MAP4K4: variants seen among roughly 807,000 people sequenced by gnomAD.
The protein encoded by MAP4K4 is HPK/GCK-like kinase HGK.
In MAP4K4, 38 loss-of-function variants were observed where a neutral mutation model predicts 189.6. The observed-to-expected ratio is 0.20, with a 90% CI of 0.15 to 0.26. The LOEUF (loss-of-function observed/expected upper bound fraction) is 0.26, where lower values mean the gene tolerates loss of function less well. Among genes scored for constraint, MAP4K4 ranks in the 10% least tolerant of loss-of-function variants. The probability of loss-of-function intolerance (pLI) is 1.00; values close to 1 mark genes in which losing one functional copy is unlikely to be tolerated. For missense variants in MAP4K4, 1,054 were observed against 1,726.9 expected (o/e 0.61, Z 6.91); for synonymous variants, 610 against 624.3 (o/e 0.98, Z 0.34).
chr2:101,719,581 A>G (rs755573822), intron 2 of MAP4K4, among the ~76,000 whole-genome samples: 1 of 152,212 alleles, frequency 6.6e-6, no homozygotes, highest in Non-Finnish European at 1.5e-5. Context: ...AAGTACAATC[A>G]GGGAGAAACT....
chr2:101,760,530 A>ATATGTGTG (rs1439425886), intron 2 of MAP4K4, among the ~76,000 whole-genome samples: 1 of 138,692 alleles, frequency 7.2e-6, no homozygotes, highest in Non-Finnish European at 1.5e-5. Context: ...ATATGTATAT[A>ATATGTGTG]TGTGTGTGTG....
In MAP4K4 at chr2:101,852,392, A is replaced by C. The variant is rs1576779833; in HGVS notation, c.1234-3585A>C. On this transcript the variant is annotated intron_variant, in intron 12 of 32. Coordinates refer to ENST00000324219, the Ensembl canonical transcript of MAP4K4. ...TTAGATTCAAATAAAAAAGTATTGA[A>C]TTTCTCTTCTGAAGGTAATGTGTGA... Among the ~76,000 whole-genome samples, 3 of 152,108 alleles carry C rather than the reference A, an allele frequency of 2.0e-5. No individual in the cohort carries two copies. In the South Asian group the frequency reaches 6.2e-4, roughly 32 times the overall value.
intron 21 of MAP4K4, 133 bp downstream of exon 21, chr2:101,868,170 C>CA (rs1303218500): frequency 2.1e-6 from 2 of 954,856 alleles, no homozygotes; most frequent in South Asian, 1.5e-5. Context: ...TTAAAAACCT[C>CA]AAACTTTACT....
intron 3 of MAP4K4, among the ~76,000 whole-genome samples, chr2:101,822,249 C>T (rs942895500): frequency 2.6e-5 from 4 of 152,124 alleles, no homozygotes; most frequent in Admixed American, 1.3e-4. Context: ...GCTGGCTGTG[C>T]GGCAGGTTAG....
chr2:101,811,894 A>G (rs561399649), intron 3 of MAP4K4, among the ~76,000 whole-genome samples: 1 of 152,228 alleles, frequency 6.6e-6, no homozygotes, highest in African/African-American at 2.4e-5. Context: ...ACATGGTAAT[A>G]TCCTTTGTGC....
intron 2 of MAP4K4, among the ~76,000 whole-genome samples, chr2:101,746,311 G>C (rs920934414): frequency 1.4e-5 from 2 of 144,762 alleles, no homozygotes; most frequent in Non-Finnish European, 1.5e-5. Flanking sequence ...TTTTTTTAAT[G>C]TAAGTATATA....
chr2:101,863,100 C>T (rs75984357), intron 16 of MAP4K4, among the ~76,000 whole-genome samples: 3,378 of 152,008 alleles, frequency 0.022, 105 homozygotes, highest in African/African-American at 0.076. Flanking sequence ...TTGTAATTTC[C>T]CAAGTGGAAG....
At chr2:101,740,397 G>A (rs1349803336) in intron 2 of MAP4K4, among the ~76,000 whole-genome samples, 5 of 102,368 alleles carry the variant, frequency 4.9e-5, no homozygotes, top group Admixed American at 2.7e-4. Flanking sequence ...CTCGTGATCC[G>A]CCCGCCTCGG....
chr2:101,730,504 G>A (rs1401055104), intron 2 of MAP4K4, among the ~76,000 whole-genome samples: 1 of 152,132 alleles, frequency 6.6e-6, no homozygotes, highest in Admixed American at 6.5e-5. Context: ...AAGGTTGGGT[G>A]GGGGAAGGAG....
At chr2:101,827,435 G>C (rs970179592) in intron 5 of MAP4K4, among the ~76,000 whole-genome samples, 15 of 152,176 alleles carry the variant, frequency 9.9e-5, no homozygotes, top group Admixed American at 2.6e-4. Context: ...AAAGCAGCAT[G>C]ATAAACTGGA....
intron 20 of MAP4K4, chr2:101,867,633 T>TA (rs540596766): frequency 5.1e-5 from 17 of 333,264 alleles, no homozygotes; most frequent in Non-Finnish European, 7.6e-5. Context: ...ACTGATGCTT[T>TA]AAAAAAAATA....
At chr2:101,700,463 CTG>C (rs2037777235) in intron 2 of MAP4K4, among the ~76,000 whole-genome samples, 1 of 152,214 alleles carries the variant, frequency 6.6e-6, no homozygotes, top group African/African-American at 2.4e-5. Context: ...GGAATTAAAT[CTG>C]TGCAAAAGTT....
At chr2:101,730,271 C>A (rs2057826469) in intron 2 of MAP4K4, among the ~76,000 whole-genome samples, 1 of 152,082 alleles carries the variant, frequency 6.6e-6, no homozygotes, top group Non-Finnish European at 1.5e-5. Context: ...ATTTAAAACT[C>A]CTTTCCTGCT....
At chr2:101,876,923 A>T in intron 26 of MAP4K4, 80 bp from the exon 27 acceptor site, 2 of 1,414,620 alleles carry the variant, frequency 1.4e-6, no homozygotes, top group Admixed American at 2.2e-5. Context: ...TTCCAAATAG[A>T]TGATGTTATC....
In MAP4K4 at chr2:101,882,462, A is replaced by G. The variant is rs2150224011; in HGVS notation, c.3386-89A>G. On this transcript the variant is annotated intron_variant, in intron 27 of 32. Transcript: ENST00000324219. ...TCACTAGGTTTAAGTGCTGGCCTTA[A>G]GTGATTGATTTCTTTTGGTTACTAT... 4 of 1,055,552 alleles carry G rather than the reference A, an allele frequency of 3.8e-6. No individual in the cohort carries two copies. In the East Asian group the frequency reaches 1.1e-4, roughly 29 times the overall value. 65.4% of individuals were successfully genotyped at this position (1,055,552 alleles called of 1,614,324 possible). A position where few individuals can be genotyped will look rare whatever the true frequency, so the allele number is the denominator to read the frequency against.
At chr2:101,758,960 C>T (rs1337971996) in intron 2 of MAP4K4, among the ~76,000 whole-genome samples, 2 of 151,742 alleles carry the variant, frequency 1.3e-5, no homozygotes, top group Admixed American at 1.3e-4. Context: ...GGTGAAACCG[C>T]GTCTCTACTA....
At chr2:101,785,747 T>TCC (rs2090701479) in intron 2 of MAP4K4, among the ~76,000 whole-genome samples, 1 of 7,658 alleles carries the variant, frequency 1.3e-4, no homozygotes, top group Non-Finnish European at 2.2e-4. Flanking sequence ...TCTCTCTCTC[T>TCC]CTCTCTCTCT....
chr2:101,863,357 C>G (rs1167451912), intron 16 of MAP4K4, among the ~76,000 whole-genome samples: 15 of 152,128 alleles, frequency 9.9e-5, no homozygotes. Context: ...GTTACTCGCT[C>G]TGGTGTAAAA....
At chr2:101,884,296 C>G (rs2150256131) in intron 28 of MAP4K4, among the ~76,000 whole-genome samples, 1 of 152,220 alleles carries the variant, frequency 6.6e-6, no homozygotes, top group African/African-American at 2.4e-5. Context: ...TGTGCAATAG[C>G]CCCATGTGTG....
Sources: gnomAD v4.1 joint callset for allele counts (sites outside exome capture counted in the v4.1 genomes callset) on GRCh38, gnomAD v4.1.1 for gene constraint, MANE v1.5 for transcripts, NCBI Gene and HGNC (gene_info 2026-07-23, HGNC 2026-07-21) for gene names.